The following UGT1A7 variants were observed in gnomAD, a reference collection of about 807,000 sequenced individuals.
UGT1A7 encodes the protein UDP-glucuronosyltransferase 1A7.
A neutral mutation model predicts 45.6 loss-of-function variants in UGT1A7; 33 were observed. The observed-to-expected ratio is 0.72, with a 90% CI of 0.55 to 0.97. The LOEUF is 0.97. Ranked by LOEUF, UGT1A7 falls within the 50% of genes least tolerant of loss-of-function variation. The pLI, the probability that UGT1A7 is intolerant of heterozygous loss-of-function variation, is 0.00. For missense variants in UGT1A7, 684 were observed against 666.2 expected, an observed-to-expected ratio of 1.03 and a Z score of -0.29; for synonymous variants, 274 against 250.6, an observed-to-expected ratio of 1.09 and a Z score of -0.88.
chr2:233,763,406 T>A (rs1698303480), intron 1 of UGT1A7, among the ~76,000 whole-genome samples: 1 of 152,236 alleles, frequency 6.6e-6, no homozygotes, highest in African/African-American at 2.4e-5. Context: ...GGCACTGGTA[T>A]TTTTAATCCA....
intron 1 of UGT1A7, among the ~76,000 whole-genome samples, chr2:233,702,299 A>G (rs912021093): frequency 1.3e-5 from 2 of 152,188 alleles, no homozygotes; most frequent in African/African-American, 4.8e-5. Context: ...AGAGTTTTGT[A>G]TATTGATCTT....
chr2:233,691,612 C>T (rs547462198), intron 1 of UGT1A7: 261 of 985,514 alleles, frequency 2.6e-4, no homozygotes, highest in Non-Finnish European at 3.0e-4. Context: ...GCTCTGGGAC[C>T]GCCCTCAGCA....
intron 1 of UGT1A7, chr2:233,747,824 CAT>C: frequency 6.2e-7 from 1 of 1,613,548 alleles, no homozygotes; most frequent in Non-Finnish European, 8.5e-7. Context: ...ATTCAGACCA[CAT>C]GACATTCCTG....
At chr2:233,748,029 A>G in intron 1 of UGT1A7, 5 of 1,613,446 alleles carry the variant, frequency 3.1e-6, no homozygotes, top group East Asian at 2.2e-5. Context: ...CATGCCCAAC[A>G]TGGTCTTCAT....
At position 233,760,758 on chromosome 2, in the gene UGT1A7, C is replaced by T. The variant is rs765894633; in HGVS notation, c.856-6276C>T. The stretch of plus-strand genomic sequence containing the variant: ...TGACGGACCCTTTCCTTCCTTGCAG[C>T]CCCATCGTGGCCCAGTACCTGTCTC... On this transcript the variant is annotated intron_variant, in intron 1 of 4. Transcript: ENST00000373426. 28 of 1,613,982 alleles carry T rather than the reference C, an allele frequency of 1.7e-5. No homozygotes were observed. In the Admixed American group the frequency reaches 3.0e-4, roughly 17 times the overall value.
Position 233,769,730 on chromosome 2 carries a change from C to A in UGT1A7, c.1295+1291C>A. On this transcript the variant is annotated intron_variant, in intron 4 of 4. Transcript: ENST00000373426. The surrounding 1 kb of genome is among the most constrained non-coding windows in gnomAD (Gnocchi z 4.4). The stretch of plus-strand genomic sequence containing the variant: ...GTTGGCTAGGCACCATGGCACACGC[C>A]TGTAGTCCCAGCCACTCTGGAGGCT... The A allele has an allele frequency of 6.8e-7, 1 of 1,468,358 alleles. No homozygotes were observed. The highest frequency in any genetic ancestry group is 9.0e-7 in the Non-Finnish European group (1 of 1,108,860). 91.0% of individuals were successfully genotyped at this position (1,468,358 alleles called of 1,614,324 possible).
chr2:233,683,479 T>G (rs2074636324), intron 1 of UGT1A7, among the ~76,000 whole-genome samples: 2 of 152,142 alleles, frequency 1.3e-5, no homozygotes, highest in African/African-American at 4.8e-5. Context: ...ATTTTCATAT[T>G]TTTGCTTTTA....
chr2:233,742,047 G>C (rs371861111), intron 1 of UGT1A7: 6 of 152,052 alleles, frequency 3.9e-5, no homozygotes, highest in South Asian at 4.1e-4. Context: ...CATAGCAATA[G>C]GATAGTTCTG....
At chr2:233,759,853 T>C (rs938114684) in intron 1 of UGT1A7, among the ~76,000 whole-genome samples, 15 of 152,176 alleles carry the variant, frequency 9.9e-5, no homozygotes, top group African/African-American at 3.6e-4. Context: ...CAGGTTTCCA[T>C]GGCGAAAGCG....
intron 1 of UGT1A7, chr2:233,722,101 G>A: frequency 1.0e-5 from 2 of 200,878 alleles, no homozygotes; most frequent in Non-Finnish European, 1.0e-5. Context: ...AGGCCTCTTA[G>A]AGGAAGAGCT....
chr2:233,763,791 A>T (rs995019532), intron 1 of UGT1A7, among the ~76,000 whole-genome samples: 41 of 152,200 alleles, frequency 2.7e-4, no homozygotes, highest in African/African-American at 9.9e-4. Flanking sequence ...TTGGGAGAAA[A>T]GGAATGAAAC....
chr2:233,725,696 T>A (rs1461246019), intron 1 of UGT1A7, among the ~76,000 whole-genome samples: 1 of 152,258 alleles, frequency 6.6e-6, no homozygotes, highest in African/African-American at 2.4e-5. Context: ...AATAGTCATA[T>A]GTAGTTAGTG....
chr2:233,689,876 C>G (rs1405417025), intron 1 of UGT1A7: 1 of 456,446 alleles, frequency 2.2e-6, no homozygotes, highest in Non-Finnish European at 4.4e-6. Context: ...TCTTGCTTAT[C>G]AAGTGCCTTA....
At chr2:233,711,896 C>T (rs1316826464) in intron 1 of UGT1A7, among the ~76,000 whole-genome samples, 1 of 152,152 alleles carries the variant, frequency 6.6e-6, no homozygotes, top group African/African-American at 2.4e-5. Flanking sequence ...GTCTCATGGG[C>T]GTGAGACCAT....
chr2:233,769,731 T>C lies in UGT1A7; in HGVS notation c.1295+1292T>C. ...TTGGCTAGGCACCATGGCACACGCC[T>C]GTAGTCCCAGCCACTCTGGAGGCTA... On this transcript the variant is annotated intron_variant, in intron 4 of 4. Coordinates refer to ENST00000373426, the MANE Select transcript of UGT1A7 (RefSeq NM_019077.3). The surrounding 1 kb of genome is among the most constrained non-coding windows in gnomAD (Gnocchi z 4.4). The C allele has an allele frequency of 6.8e-7, 1 of 1,467,200 alleles. No individual in the cohort carries two copies. Among genetic ancestry groups the C allele is most frequent in the Non-Finnish European group, 9.0e-7 (1 of 1,108,292 alleles). 90.9% of individuals were successfully genotyped at this position (1,467,200 alleles called of 1,614,324 possible). A position where few individuals can be genotyped will look rare whatever the true frequency, so the allele number is the denominator to read the frequency against.
At chr2:233,772,143 C>T in intron 4 of UGT1A7, 119 bp from the exon 5 acceptor site, 2 of 1,550,602 alleles carry the variant, frequency 1.3e-6, no homozygotes, top group Non-Finnish European at 1.7e-6. Flanking sequence ...ATAATAGAAA[C>T]AGGTTTCCTT....
intron 1 of UGT1A7, among the ~76,000 whole-genome samples, chr2:233,766,110 G>T (rs1275743643): frequency 6.6e-6 from 1 of 152,184 alleles, no homozygotes; most frequent in Non-Finnish European, 1.5e-5. Context: ...TATCCTGGGG[G>T]CTTGCCTTGG....
intron 1 of UGT1A7, among the ~76,000 whole-genome samples, chr2:233,725,052 CGGCGCGCGCCTG>C (rs2077353834): frequency 6.8e-6 from 1 of 147,562 alleles, no homozygotes; most frequent in African/African-American, 2.5e-5. Flanking sequence ...TCAGGCGTGG[CGGCGCGCGCCTG>C]CAATCGCAGG....
At chr2:233,736,939 G>A (rs2078828567) in intron 1 of UGT1A7, among the ~76,000 whole-genome samples, 1 of 152,164 alleles carries the variant, frequency 6.6e-6, no homozygotes. Context: ...CCACCTATAT[G>A]AGGTGTCTGT....
Sources: gnomAD v4.1 joint callset for allele counts (sites outside exome capture counted in the v4.1 genomes callset) on GRCh38, gnomAD v4.1.1 for gene constraint, Gnocchi (gnomAD v3.1) non-coding constraint, MANE v1.5 for transcripts, NCBI Gene and HGNC (gene_info 2026-07-23, HGNC 2026-07-21) for gene names.